Variants in EDARADD observed in about 807,000 individuals in gnomAD.
The protein encoded by EDARADD is ectodysplasin-A receptor-associated adapter protein.
In EDARADD, 20 loss-of-function variants were observed where a neutral mutation model predicts 25.6. That is an observed-to-expected ratio of 0.78 (90% confidence interval 0.55 to 1.14). The LOEUF is 1.14. Ranked by LOEUF, EDARADD falls within the 50% of genes most tolerant of loss-of-function variation. The pLI, the probability that EDARADD is intolerant of heterozygous loss-of-function variation, is 0.00. For missense variants in EDARADD, 225 were observed against 270.1 expected (o/e 0.83, Z 1.17); for synonymous variants, 86 against 94.4 (o/e 0.91, Z 0.52).
At chr1:236,436,575 C>T (rs558347366) in intron 4 of EDARADD, among the ~76,000 whole-genome samples, 2 of 126,264 alleles carry the variant, frequency 1.6e-5, no homozygotes, top group East Asian at 2.3e-4. Flanking sequence ...TGCAGTGAGC[C>T]GTGATTGTGC....
intron 2 of EDARADD, chr1:236,349,070 AG>A (rs1193337245): frequency 3.9e-5 from 6 of 152,130 alleles, no homozygotes; most frequent in Admixed American, 3.9e-4. Flanking sequence ...TTTTAGAGAC[AG>A]GGTCTTGCCA....
chr1:236,427,025 G>A (rs1657939022), intron 3 of EDARADD, among the ~76,000 whole-genome samples: 1 of 152,166 alleles, frequency 6.6e-6, no homozygotes, highest in South Asian at 2.1e-4. Context: ...AGGATTACAG[G>A]CATGCGCTAC....
intron 3 of EDARADD, among the ~76,000 whole-genome samples, chr1:236,370,212 G>A (rs1251819360): frequency 6.6e-6 from 1 of 152,118 alleles, no homozygotes; most frequent in East Asian, 1.9e-4. Context: ...CCTGAGCTCA[G>A]GAGTTCAAGA....
chr1:236,441,280 T>C (rs1184325486), intron 4 of EDARADD, among the ~76,000 whole-genome samples: 1 of 144,984 alleles, frequency 6.9e-6, no homozygotes, highest in African/African-American at 2.5e-5. Context: ...TATATATATA[T>C]ATTATATATA....
At chr1:236,416,390 C>T (rs1463840824) in intron 3 of EDARADD, among the ~76,000 whole-genome samples, 1 of 152,214 alleles carries the variant, frequency 6.6e-6, no homozygotes, top group East Asian at 1.9e-4. Context: ...TGTAATGGCC[C>T]TAGCATTGAA....
intron 2 of EDARADD, among the ~76,000 whole-genome samples, chr1:236,411,448 G>A (rs957387205): frequency 1.3e-5 from 2 of 152,054 alleles, no homozygotes; most frequent in East Asian, 1.9e-4. Flanking sequence ...TCTCTCACTC[G>A]TTAGCACATG....
At chr1:236,405,100 A>C (rs1250787265) in intron 1 of EDARADD, among the ~76,000 whole-genome samples, 1 of 152,184 alleles carries the variant, frequency 6.6e-6, no homozygotes, top group Non-Finnish European at 1.5e-5. Flanking sequence ...TCTCAAAAAA[A>C]AATTAAGTAA....
At chr1:236,465,185 A>C (rs927742648) in intron 4 of EDARADD, among the ~76,000 whole-genome samples, 14 of 151,410 alleles carry the variant, frequency 9.2e-5, no homozygotes, top group Non-Finnish European at 1.5e-4. Context: ...TCTGTCCATC[A>C]CCTCCACATG....
intron 4 of EDARADD, among the ~76,000 whole-genome samples, chr1:236,467,426 G>GCA (rs376781528): frequency 0.06 from 8,264 of 138,818 alleles, 323 homozygotes; most frequent in Non-Finnish European, 0.082. Flanking sequence ...ACACACACGC[G>GCA]CACACACACA....
intron 5 of EDARADD, among the ~76,000 whole-genome samples, chr1:236,471,634 C>T (rs983466020): frequency 3.3e-5 from 5 of 152,082 alleles, no homozygotes; most frequent in Non-Finnish European, 5.9e-5. Flanking sequence ...TTAGCTATCT[C>T]GGAAGTTGCC....
intron 5 of EDARADD, among the ~76,000 whole-genome samples, chr1:236,479,833 G>A (rs1659620047): frequency 6.6e-6 from 1 of 151,344 alleles, no homozygotes; most frequent in Non-Finnish European, 1.5e-5. Context: ...ATTGCTTAAG[G>A]CCAAGAGTTC....
At chr1:236,367,043 C>A (rs1403631315) in intron 3 of EDARADD, among the ~76,000 whole-genome samples, 1 of 143,486 alleles carries the variant, frequency 7.0e-6, no homozygotes, top group Non-Finnish European at 1.5e-5. Flanking sequence ...GAGATTGTAC[C>A]ACTGCGCTCC....
At chr1:236,365,507 A>G (rs1002672102) in intron 3 of EDARADD, among the ~76,000 whole-genome samples, 1 of 151,926 alleles carries the variant, frequency 6.6e-6, no homozygotes, top group African/African-American at 2.4e-5. Context: ...TGCTCTCGCT[A>G]TGTTGCCCAG....
At chr1:236,429,479 G>A (rs1242603534) in intron 4 of EDARADD, among the ~76,000 whole-genome samples, 3 of 151,778 alleles carry the variant, frequency 2.0e-5, no homozygotes, top group East Asian at 1.9e-4. Flanking sequence ...CCAGGTTCAC[G>A]CCATTCTCCT....
At chr1:236,352,373 G>A (rs995329636) in intron 3 of EDARADD, among the ~76,000 whole-genome samples, 6 of 152,214 alleles carry the variant, frequency 3.9e-5, no homozygotes, top group African/African-American at 1.4e-4. Flanking sequence ...GTTGAGCCAA[G>A]TGCAGGAGCT....
rs1459757012 is a variant in EDARADD at position 236,483,771 on chromosome 1, G to T, written c.*1122G>T. The stretch of plus-strand genomic sequence containing the variant: ...TGTCATCAAGGAGAAATATGGGAAA[G>T]ATGCCACCGGTGTGGGGGATGGAGG... On this transcript the variant is annotated 3_prime_UTR_variant, in exon 6 of 6. Coordinates refer to ENST00000334232, the MANE Select transcript of EDARADD (RefSeq NM_145861.4). 1.4e-6 allele frequency: 2 copies of T among 1,479,798 alleles called. No homozygotes were observed. The highest frequency in any genetic ancestry group is 1.9e-6 in the Non-Finnish European group (2 of 1,059,692). The allele number at this position is 1,479,798 out of a possible 1,614,324, so 91.7% of individuals were successfully genotyped here.
In EDARADD at chr1:236,483,917, C is replaced by T; in HGVS notation, c.*1268C>T. On this transcript the variant is annotated 3_prime_UTR_variant, in exon 6 of 6. Transcript: ENST00000334232. ...GCATGGACGTAGAGGCCTCCGAGTT[C>T]TTCAGGTCTGGAAAGTATGACCTGG... 2 of 1,377,432 alleles carry T rather than the reference C, an allele frequency of 1.5e-6. No homozygotes were observed. The highest frequency in any genetic ancestry group is 1.7e-5 in the Admixed American group (1 of 59,478). The allele number at this position is 1,377,432 out of a possible 1,614,324, so 85.3% of individuals were successfully genotyped here. A position where few individuals can be genotyped will look rare whatever the true frequency, so the allele number is the denominator to read the frequency against.
chr1:236,395,341 G>C lies in EDARADD; in HGVS notation c.61+836G>C. 1 of 1,318,638 alleles carries C rather than the reference G, an allele frequency of 7.6e-7. No homozygotes were observed. Among genetic ancestry groups the C allele is most frequent in the Non-Finnish European group, 9.7e-7 (1 of 1,031,948 alleles). The allele number at this position is 1,318,638 out of a possible 1,614,324, so 81.7% of individuals were successfully genotyped here. ...GGCCCCGCCTTGCGTCCCAGCCCCGGGTCGCGGCACCCCGGCTCCCGCCCC... is the reference window on the plus strand; with the variant it reads ...GGCCCCGCCTTGCGTCCCAGCCCCGCGTCGCGGCACCCCGGCTCCCGCCCC... On this transcript the variant is annotated intron_variant, in intron 1 of 5. Coordinates refer to ENST00000334232, the MANE Select transcript of EDARADD (RefSeq NM_145861.4). The surrounding 1 kb of genome is among the most constrained non-coding windows in gnomAD (Gnocchi z 6.9).
intron 4 of EDARADD, among the ~76,000 whole-genome samples, chr1:236,448,923 T>C (rs894604878): frequency 2.0e-5 from 3 of 152,176 alleles, no homozygotes; most frequent in Admixed American, 1.3e-4. Flanking sequence ...CTAGTCTGCT[T>C]GGGCTGCCGT....
Sources: allele counts gnomAD v4.1 joint callset (sites outside exome capture counted in the v4.1 genomes callset), GRCh38; gene constraint gnomAD v4.1.1; non-coding constraint Gnocchi (gnomAD v3.1); transcripts MANE v1.5; gene names NCBI Gene and HGNC (gene_info 2026-07-23, HGNC 2026-07-21).